The following VPS53 variants were observed in gnomAD, a reference collection of about 807,000 sequenced individuals.
VPS53 encodes the protein VPS53 subunit of GARP complex.
A neutral mutation model predicts 107.0 loss-of-function variants in VPS53; 70 were observed. The observed-to-expected ratio is 0.65, with a 90% CI of 0.54 to 0.80. The LOEUF is 0.80. VPS53 is among the 30% of genes least tolerant of loss of function. The probability of loss-of-function intolerance (pLI) is 0.00; values close to 1 mark genes in which losing one functional copy is unlikely to be tolerated. For synonymous variants in VPS53, 409 were observed against 393.3 expected (o/e 1.04, Z -0.47); for missense variants, 917 against 1,049.4 (o/e 0.87, Z 1.74).
intron 4 of VPS53, among the ~76,000 whole-genome samples, chr17:669,374 G>A (rs1371930698): frequency 1.3e-5 from 2 of 151,992 alleles, no homozygotes; most frequent in Non-Finnish European, 2.9e-5. Flanking sequence ...TGGATTACTT[G>A]AGGCCAGGAG....
intron 11 of VPS53, among the ~76,000 whole-genome samples, chr17:610,875 T>C (rs1390832593): frequency 6.9e-6 from 1 of 144,336 alleles, no homozygotes; most frequent in Non-Finnish European, 1.5e-5. Context: ...GAGGCAGAGG[T>C]TGCAGTGAGC....
rs1908150976 is a variant in VPS53, at chr17:514,424, G to A, written c.*4704C>T. 8.3e-6 allele frequency: 1 copy of A among 120,540 alleles called. No individual in the cohort carries two copies. The highest frequency in any genetic ancestry group is 1.7e-5 in the Non-Finnish European group (1 of 59,964). 7.5% of individuals were successfully genotyped at this position (120,540 alleles called of 1,614,324 possible). A position where few individuals can be genotyped will look rare whatever the true frequency, so the allele number is the denominator to read the frequency against. ...TAGGTAAGGAATCCCATTTCCAGCA[G>A]GTTATTCTGAGTGCTCTTCCTAGCC... On this transcript the variant is annotated 3_prime_UTR_variant, in exon 22 of 22. Transcript: ENST00000437048.
intron 7 of VPS53, among the ~76,000 whole-genome samples, chr17:634,748 G>C: frequency 6.6e-6 from 1 of 151,984 alleles, no homozygotes; most frequent in Non-Finnish European, 1.5e-5. Flanking sequence ...TGGCTGCATA[G>C]TATTCCATGG....
rs369061188 is a variant in VPS53, at chr17:551,813, T to C, written c.1866+59A>G. On this transcript the variant is annotated intron_variant, in intron 17 of 21. Transcript: ENST00000437048. ...TGGAGAAGCTACAGACAAGGGCCAG[T>C]AGAAGCCACCTTGGGCTGCTCTCGT... 63 of 1,458,824 alleles carry C rather than the reference T, an allele frequency of 4.3e-5. 1 individual carries two copies. In the South Asian group the frequency reaches 8.0e-4, roughly 19 times the overall value. 90.4% of individuals were successfully genotyped at this position (1,458,824 alleles called of 1,614,324 possible). A position where few individuals can be genotyped will look rare whatever the true frequency, so the allele number is the denominator to read the frequency against.
At chr17:639,585 G>A (rs1016677352) in intron 7 of VPS53, among the ~76,000 whole-genome samples, 7 of 152,180 alleles carry the variant, frequency 4.6e-5, no homozygotes, top group African/African-American at 1.7e-4. Flanking sequence ...ACGTACAGAT[G>A]GGGTTTTGGT....
At chr17:668,501 C>T (rs374569763) in intron 4 of VPS53, among the ~76,000 whole-genome samples, 5 of 152,172 alleles carry the variant, frequency 3.3e-5, no homozygotes, top group African/African-American at 1.2e-4. Context: ...TTGGCTTAAA[C>T]AGAGTCTAAT....
rs1194696940 is a variant in VPS53 at position 628,289 on chromosome 17, C to T, written c.688-58G>A. ...CAGAAACAACCTTTAAACCTCATGGCTTCTCACAGCCACTACTTGTTATCT... is the reference window on the plus strand; with the variant it reads ...CAGAAACAACCTTTAAACCTCATGGTTTCTCACAGCCACTACTTGTTATCT... On this transcript the variant is annotated intron_variant, in intron 8 of 21. Transcript: ENST00000437048. The T allele has an allele frequency of 2.5e-6, 4 of 1,589,484 alleles. No individual in the cohort carries two copies. In the East Asian group the frequency reaches 9.0e-5, roughly 36 times the overall value.
At chr17:579,583 A>G (rs1454582338) in intron 13 of VPS53, among the ~76,000 whole-genome samples, 2 of 146,756 alleles carry the variant, frequency 1.4e-5, no homozygotes, top group Non-Finnish European at 3.0e-5. Flanking sequence ...CTCCCTCATG[A>G]CCTAATGTGT....
At chr17:522,741 C>T (rs1908846958) in intron 19 of VPS53, among the ~76,000 whole-genome samples, 1 of 152,166 alleles carries the variant, frequency 6.6e-6, no homozygotes, top group African/African-American at 2.4e-5. Flanking sequence ...TTTGTTTGTT[C>T]TGGTTCTCTG....
At chr17:600,198 T>C (rs995884003) in intron 12 of VPS53, 1 of 152,184 alleles carries the variant, frequency 6.6e-6, no homozygotes, top group Non-Finnish European at 1.5e-5. Context: ...TTTAATAACA[T>C]CCAGAGATGA....
intron 11 of VPS53, among the ~76,000 whole-genome samples, chr17:621,479 T>G (rs1269226745): frequency 6.6e-6 from 1 of 152,186 alleles, no homozygotes; most frequent in Non-Finnish European, 1.5e-5. Context: ...GACATGCATA[T>G]TTACATTTCT....
Position 519,742 on chromosome 17 carries a change from C to CA in VPS53, c.2328+83_2328+84insT. The stretch of plus-strand genomic sequence containing the variant: ...CACATGCATTTTGAGAAAGCCCCCC[C>CA]GGAACTTATATCCCAATTCCCGGTT... On this transcript the variant is annotated intron_variant, in intron 21 of 21. Transcript: ENST00000437048. The surrounding 1 kb of genome is among the most constrained non-coding windows in gnomAD (Gnocchi z 5.0). 1 of 1,041,838 alleles carries CA rather than the reference C, an allele frequency of 9.6e-7. No individual in the cohort carries two copies. Among genetic ancestry groups the CA allele is most frequent in the Non-Finnish European group, 1.4e-6 (1 of 693,572 alleles). The allele number at this position is 1,041,838 out of a possible 1,614,324, so 64.5% of individuals were successfully genotyped here.
rs36070043 is a variant in VPS53, at chr17:562,753, GA to G, written c.1314-9del. On this transcript the variant is annotated splice_polypyrimidine_tract_variant and intron_variant, in intron 13 of 21. Coordinates refer to ENST00000437048, the MANE Select transcript of VPS53 (RefSeq NM_001128159.3). ...ATCAGCTCTCCGAGGTTCCTAGGAG[GA>G]AAAAAAAAAACCAAAAATGTTATTT... is the stretch of plus-strand genomic sequence containing the variant. The G allele has an allele frequency of 4.3e-3, 5,600 of 1,291,748 alleles. 1 individual carries two copies. The highest frequency in any genetic ancestry group is 7.0e-3 in the Admixed American group (282 of 40,106). 80.0% of individuals were successfully genotyped at this position (1,291,748 alleles called of 1,614,324 possible). A position where few individuals can be genotyped will look rare whatever the true frequency, so the allele number is the denominator to read the frequency against.
At chr17:582,793 C>T (rs1399326940) in intron 13 of VPS53, among the ~76,000 whole-genome samples, 1 of 151,416 alleles carries the variant, frequency 6.6e-6, no homozygotes, top group Non-Finnish European at 1.5e-5. Context: ...GAACCTCCCT[C>T]AGAATCTCCA....
At chr17:627,373 C>A in intron 9 of VPS53, 57 bp from the exon 10 acceptor site, 3 of 1,549,520 alleles carry the variant, frequency 1.9e-6, no homozygotes, top group South Asian at 2.5e-5. Context: ...AATGGCAGTT[C>A]AAGGAAACAA....
intron 5 of VPS53, among the ~76,000 whole-genome samples, chr17:658,666 T>G (rs929942458): frequency 6.9e-6 from 1 of 145,326 alleles, no homozygotes; most frequent in Non-Finnish European, 1.5e-5. Flanking sequence ...AGTTCGTGGA[T>G]AGATACATCC....
chr17:562,438 T>C, intron 14 of VPS53, 65 bp downstream of exon 14: 1 of 1,593,534 alleles, frequency 6.3e-7, no homozygotes, highest in South Asian at 1.1e-5. Context: ...TCAGAGTGGA[T>C]TTCCTTAAGA....
intron 4 of VPS53, among the ~76,000 whole-genome samples, chr17:683,230 A>G (rs1222082830): frequency 2.0e-5 from 3 of 152,196 alleles, no homozygotes; most frequent in Non-Finnish European, 2.9e-5. Context: ...ACATTTGAAG[A>G]GATAATGGCT....
intron 11 of VPS53, among the ~76,000 whole-genome samples, chr17:614,693 T>C (rs995360229): frequency 1.3e-5 from 2 of 152,126 alleles, no homozygotes; most frequent in Non-Finnish European, 2.9e-5. Flanking sequence ...GACCAGGGTG[T>C]AGAGTGAGAC....
Sources: gnomAD v4.1 joint callset for allele counts (sites outside exome capture counted in the v4.1 genomes callset) on GRCh38, gnomAD v4.1.1 for gene constraint, Gnocchi (gnomAD v3.1) non-coding constraint, MANE v1.5 for transcripts, NCBI Gene and HGNC (gene_info 2026-07-23, HGNC 2026-07-21) for gene names.